TCTN3: variants seen among roughly 807,000 people sequenced by gnomAD.
TCTN3 encodes tectonic family member 3.
A neutral mutation model predicts 71.3 loss-of-function variants in TCTN3; 57 were observed. That is an observed-to-expected ratio of 0.80 (90% CI 0.65 to 1.00). The LOEUF (loss-of-function observed/expected upper bound fraction) is 1.00. Ranked by LOEUF, TCTN3 falls within the 50% of genes least tolerant of loss-of-function variation. The pLI is 0.00. For missense variants in TCTN3, 696 were observed against 719.9 expected (o/e 0.97, Z 0.38); for synonymous variants, 258 against 267.8 (o/e 0.96, Z 0.36).
chr10:95,685,676 G>T, intron 7 of TCTN3, 40 bp from the exon 8 acceptor site: 1 of 1,479,716 alleles, frequency 6.8e-7, no homozygotes, highest in South Asian at 1.2e-5. Flanking sequence ...AACTGAAGGC[G>T]GTATTTTGTC....
At chr10:95,683,038 A>G (rs2097944606) in intron 11 of TCTN3, 63 bp downstream of exon 11, 17 of 1,457,642 alleles carry the variant, frequency 1.2e-5, no homozygotes, top group Non-Finnish European at 1.5e-5. Flanking sequence ...AAAAGTTACC[A>G]TATCAACATA....
intron 13 of TCTN3, among the ~76,000 whole-genome samples, chr10:95,674,020 T>G (rs574637415): frequency 6.6e-6 from 1 of 152,224 alleles, no homozygotes; most frequent in Admixed American, 6.5e-5. Context: ...CCCTCCAACT[T>G]TGTTCTTTTT....
In TCTN3 at chr10:95,680,476, A is replaced by C; in HGVS notation, c.1586T>G (p.Ile529Arg). 1 of 1,613,762 alleles carries C rather than the reference A, an allele frequency of 6.2e-7. No homozygotes were observed. The highest frequency in any genetic ancestry group is 1.1e-5 in the South Asian group (1 of 91,038). Residue 529 changes from isoleucine (I) to arginine (R), a missense_variant, in exon 13 of 14, where the codon ATA becomes AGA. Physicochemically the swap from Ile to Arg is moderately conservative, Grantham distance 97 (BLOSUM62 -3). Coordinates refer to ENST00000371217, the MANE Select transcript of TCTN3 (RefSeq NM_015631.6). ...GVRFLYQCQS[I>R]QDSQQVTEVS... ...CCTTTATGAGCCATGACTTACCTGT[A>C]TAGACTGGCACTGGTATAGGAATCG... is the stretch of plus-strand genomic sequence containing the variant.
intron 3 of TCTN3, 67 bp downstream of exon 3, chr10:95,692,853 G>T: frequency 1.7e-6 from 2 of 1,168,632 alleles, no homozygotes; most frequent in Admixed American, 1.7e-5. Flanking sequence ...TCCAATGTGG[G>T]CCAGGGAAGA....
chr10:95,693,399 G>A lies in TCTN3; in HGVS notation c.334C>T (p.Leu112Phe). Residue 112 changes from leucine (L) to phenylalanine (F), a missense_variant, in exon 2 of 14, where the codon CTC (leucine) becomes TTC (phenylalanine). Coordinates refer to ENST00000371217, the MANE Select transcript of TCTN3 (RefSeq NM_015631.6). ...AAGGAGAAAACTGTCCTCGGATGGAGAAGATAGCAGTCCCTGTCGCAGCAG... is the reference window on the plus strand; with the variant it reads ...AAGGAGAAAACTGTCCTCGGATGGAAAAGATAGCAGTCCCTGTCGCAGCAG... Reference protein sequence around the residue: ...NCCCDRDCYLLHPRTVFSFCL... With the variant: ...NCCCDRDCYLFHPRTVFSFCL... The A allele has an allele frequency of 1.3e-6, 2 of 1,551,972 alleles. No homozygotes were observed. Among genetic ancestry groups the A allele is most frequent in the Non-Finnish European group, 1.7e-6 (2 of 1,147,032 alleles).
intron 13 of TCTN3, 68 bp from the exon 14 acceptor site, chr10:95,664,368 T>C: frequency 7.9e-7 from 1 of 1,270,326 alleles, no homozygotes. Flanking sequence ...AACTTGGCTG[T>C]TATTATTACT....
chr10:95,687,071 G>A lies in TCTN3; in HGVS notation c.825C>T (p.Ala275=), dbSNP rs373976565. The change falls in exon 6 of 14, where the codon GCC becomes GCT. Residue 275 remains alanine, a synonymous_variant. Transcript: ENST00000371217. ...SCTLDSALNA[A]SYYNFTVLKV... ...TTAAGACTGTGAAGTTATAGTAAGA[G>A]GCAGCATTGAGGGCTGAATCCAAGG... 1.3e-5 allele frequency: 21 copies of A among 1,613,852 alleles called. No homozygotes were observed. Among genetic ancestry groups the A allele is most frequent in the Non-Finnish European group, 1.8e-5 (21 of 1,179,930 alleles).
chr10:95,677,803 A>G (rs1258314866), intron 13 of TCTN3, among the ~76,000 whole-genome samples: 1 of 152,144 alleles, frequency 6.6e-6, no homozygotes, highest in African/African-American at 2.4e-5. Context: ...CTAAAAGTGG[A>G]TATCACCATT....
At chr10:95,685,495 G>A (rs2097947399) in intron 8 of TCTN3, 61 bp downstream of exon 8, 2 of 1,345,806 alleles carry the variant, frequency 1.5e-6, no homozygotes, top group Non-Finnish European at 2.1e-6. Context: ...TGGAAGATGA[G>A]GCACCTCTGG....
chr10:95,665,469 C>A (rs538881066), intron 13 of TCTN3, among the ~76,000 whole-genome samples: 1 of 152,144 alleles, frequency 6.6e-6, no homozygotes, highest in African/African-American at 2.4e-5. Context: ...TTAGTAGAGA[C>A]GGGGTTTCAC....
chr10:95,684,155 C>T (rs1411576111), intron 9 of TCTN3, among the ~76,000 whole-genome samples: 3 of 152,104 alleles, frequency 2.0e-5, no homozygotes, highest in African/African-American at 7.2e-5. Flanking sequence ...GAGTAAAATG[C>T]TGACTGCCCA....
chr10:95,682,865 G>T, intron 11 of TCTN3, 61 bp from the exon 12 acceptor site: 1 of 1,528,156 alleles, frequency 6.5e-7, no homozygotes, highest in African/African-American at 1.4e-5. Context: ...ACCTATATTA[G>T]TACGGTATGT....
At position 95,670,061 on chromosome 10, in the gene TCTN3, CAAAAAAAAAA is replaced by C. The variant is rs34609339; in HGVS notation, c.1591-5771_1591-5762del. ...CCTGGGCGACAGCGAGACTCCGTCT[CAAAAAAAAAA>C]AAAAAAAAAAAAAGAGTTAGCAGTT... is the stretch of plus-strand genomic sequence containing the variant. On this transcript the variant is annotated intron_variant, in intron 13 of 13. Coordinates refer to ENST00000371217, the MANE Select transcript of TCTN3 (RefSeq NM_015631.6). 3.7e-5 allele frequency among the ~76,000 whole-genome samples: 3 copies of C among 81,088 alleles called. No homozygotes were observed. The Admixed American group carries it at 4.6e-4, about 12-fold the overall frequency. 53.2% of individuals were successfully genotyped at this position (81,088 alleles called of 152,430 possible). A position where few individuals can be genotyped will look rare whatever the true frequency, so the allele number is the denominator to read the frequency against.
At chr10:95,672,559 T>C (rs2097932683) in intron 13 of TCTN3, among the ~76,000 whole-genome samples, 1 of 152,170 alleles carries the variant, frequency 6.6e-6, no homozygotes, top group South Asian at 2.1e-4. Flanking sequence ...GTTTTAGCCA[T>C]TCTTGTGAGC....
chr10:95,677,474 G>GGTTTTTTTTTTTTTTTTT (rs2097938217), intron 13 of TCTN3, among the ~76,000 whole-genome samples: 1 of 80,738 alleles, frequency 1.2e-5, no homozygotes, highest in African/African-American at 3.5e-5. Context: ...GAAGTCTACA[G>GGTTTTTTTTTTTTTTTTT]TTTTTTTTGT....
intron 13 of TCTN3, among the ~76,000 whole-genome samples, chr10:95,674,598 A>G (rs181194884): frequency 5.3e-5 from 8 of 152,278 alleles, no homozygotes; most frequent in African/African-American, 1.9e-4. Flanking sequence ...TATCTAAAAT[A>G]TAGTCCATAT....
intron 3 of TCTN3, among the ~76,000 whole-genome samples, chr10:95,691,738 T>C (rs757548097): frequency 1.3e-5 from 2 of 152,210 alleles, no homozygotes; most frequent in African/African-American, 4.8e-5. Context: ...TCTTTAGAAA[T>C]GTTATAGCCA....
At chr10:95,679,155 A>G (rs2097940317) in intron 13 of TCTN3, among the ~76,000 whole-genome samples, 2 of 152,204 alleles carry the variant, frequency 1.3e-5, no homozygotes, top group Admixed American at 6.5e-5. Context: ...TAACCTGAAA[A>G]GCTAACTTTT....
At position 95,682,652 on chromosome 10, in the gene TCTN3, G is replaced by A. The variant is rs2139736784; in HGVS notation, c.1451C>T (p.Ser484Leu). Residue 484 changes from serine (S) to leucine (L), a missense_variant and splice_region_variant, in exon 12 of 14, where the codon TCA becomes TTA. Coordinates refer to ENST00000371217, the MANE Select transcript of TCTN3 (RefSeq NM_015631.6). Reference protein sequence around the residue: ...TRILNRHCSISAINCTSCCLI... With the variant: ...TRILNRHCSILAINCTSCCLI... ...CAGAAAGTATATTTCTCTCCTTACTGAAATGCTGCAGTGCCTGTTGAGGAT... is the reference window on the plus strand; with the variant it reads ...CAGAAAGTATATTTCTCTCCTTACTAAAATGCTGCAGTGCCTGTTGAGGAT... The A allele has an allele frequency of 4.3e-6, 7 of 1,610,426 alleles. No individual in the cohort carries two copies. Among genetic ancestry groups the A allele is most frequent in the Non-Finnish European group, 5.1e-6 (6 of 1,178,984 alleles).
Sources: gnomAD v4.1 joint callset for allele counts (sites outside exome capture counted in the v4.1 genomes callset) on GRCh38, gnomAD v4.1.1 for gene constraint, MANE v1.5 for transcripts, NCBI Gene and HGNC (gene_info 2026-07-23, HGNC 2026-07-21) for gene names.